FAT3: variants seen among roughly 807,000 people sequenced by gnomAD.
FAT3 encodes the protein protocadherin Fat 3.
In FAT3, 95 loss-of-function variants were observed where a neutral mutation model predicts 310.2. The observed-to-expected ratio is 0.31, with a 90% CI of 0.26 to 0.36. The LOEUF is 0.36. Among genes scored for constraint, FAT3 ranks in the 10% least tolerant of loss-of-function variants. FAT3 has a pLI of 1.00. For synonymous variants in FAT3, 2,314 were observed against 2,192.9 expected, an observed-to-expected ratio of 1.06 and a Z score of -1.54; for missense variants, 5,408 against 5,715.6, an observed-to-expected ratio of 0.95 and a Z score of 1.74.
intron 13 of FAT3, among the ~76,000 whole-genome samples, chr11:92,829,315 T>G (rs1948180215): frequency 6.6e-6 from 1 of 152,260 alleles, no homozygotes; most frequent in African/African-American, 2.4e-5. Context: ...CACTTCTTAT[T>G]GGCAAGAGCA....
At chr11:92,337,618 G>C (rs1303687158) in intron 1 of FAT3, among the ~76,000 whole-genome samples, 1 of 152,200 alleles carries the variant, frequency 6.6e-6, no homozygotes, top group African/African-American at 2.4e-5. Flanking sequence ...TTTTAGTAGA[G>C]ACAGGGTTTC....
At chr11:92,334,950 T>C (rs1948021842) in intron 1 of FAT3, among the ~76,000 whole-genome samples, 1 of 152,178 alleles carries the variant, frequency 6.6e-6, no homozygotes. Context: ...TGGAAATTCT[T>C]ATCCAGAAGG....
intron 3 of FAT3, among the ~76,000 whole-genome samples, chr11:92,635,255 C>T (rs1371575275): frequency 6.6e-6 from 1 of 151,998 alleles, no homozygotes; most frequent in Non-Finnish European, 1.5e-5. Context: ...CTTTTTATCA[C>T]TCTGACCTAC....
At chr11:92,291,220 G>A (rs952861543) in intron 1 of FAT3, among the ~76,000 whole-genome samples, 2 of 152,000 alleles carry the variant, frequency 1.3e-5, no homozygotes, top group African/African-American at 4.8e-5. Context: ...ATGTGTAGGC[G>A]GCAGAGTCAA....
intron 2 of FAT3, among the ~76,000 whole-genome samples, chr11:92,456,913 G>A (rs1294262097): frequency 6.6e-6 from 1 of 152,160 alleles, no homozygotes; most frequent in African/African-American, 2.4e-5. Context: ...GACCATGGAT[G>A]CCTGGGTAAA....
At chr11:92,293,012 CAAAGGAAGGAAG>C (rs1479352558) in intron 1 of FAT3, among the ~76,000 whole-genome samples, 5 of 114,748 alleles carry the variant, frequency 4.4e-5, no homozygotes, top group African/African-American at 1.7e-4. Flanking sequence ...CGAGACTCTG[CAAAGGAAGGAAG>C]GAAGGAAGGA....
In FAT3 at chr11:92,840,626, A is replaced by G. The variant is rs748568412; in HGVS notation, c.10433A>G (p.Asn3478Ser). Reference sequence around the variant, plus strand: ...GTGACAGACAGAGACTCCTTTCACAATGGGCCTCCCTTTTCATTCTCTATT... The same window carrying G: ...GTGACAGACAGAGACTCCTTTCACAGTGGGCCTCCCTTTTCATTCTCTATT... Reference protein sequence around the residue: ...LVVTDRDSFHNGPPFSFSILS... With the variant: ...LVVTDRDSFHSGPPFSFSILS... The change falls in exon 18 of 28, where the codon AAT becomes AGT. Residue 3478 changes from asparagine to serine, a missense_variant. Asn to Ser is a conservative substitution (Grantham distance 46, BLOSUM62 1). Around this residue, in one of 5 missense-constraint regions of FAT3, gnomAD observed 4,588 missense variants for 4,809.8 expected, o/e 0.95. Transcript: ENST00000525166. The G allele has an allele frequency of 3.7e-6, 6 of 1,612,190 alleles. No homozygotes were observed. The highest frequency in any genetic ancestry group is 4.5e-5 in the East Asian group (2 of 44,838).
At chr11:92,351,048 C>T (rs1948550685) in intron 1 of FAT3, among the ~76,000 whole-genome samples, 1 of 152,118 alleles carries the variant, frequency 6.6e-6, no homozygotes, top group East Asian at 1.9e-4. Context: ...ATCTTTTAAC[C>T]CACATAGTCA....
At chr11:92,706,577 A>G (rs1476162270) in intron 4 of FAT3, among the ~76,000 whole-genome samples, 1 of 152,160 alleles carries the variant, frequency 6.6e-6, no homozygotes, top group African/African-American at 2.4e-5. Flanking sequence ...TCTATATTAC[A>G]TGTTGACAAC....
intron 19 of FAT3, among the ~76,000 whole-genome samples, chr11:92,848,567 C>T (rs1159675354): frequency 6.6e-6 from 1 of 152,252 alleles, no homozygotes; most frequent in Admixed American, 6.5e-5. Flanking sequence ...AAAGGACACA[C>T]TTGTCCAGTT....
At chr11:92,686,325 A>G (rs1336953410) in intron 3 of FAT3, among the ~76,000 whole-genome samples, 1 of 152,218 alleles carries the variant, frequency 6.6e-6, no homozygotes, top group Non-Finnish European at 1.5e-5. Flanking sequence ...ACCTGCTTGG[A>G]CAGATTCTAA....
At chr11:92,389,396 T>A (rs1949699670) in intron 2 of FAT3, among the ~76,000 whole-genome samples, 1 of 152,216 alleles carries the variant, frequency 6.6e-6, no homozygotes. Context: ...TAAGTATTCA[T>A]AAACACCTTG....
chr11:92,643,210 A>G (rs1052170456), intron 3 of FAT3, among the ~76,000 whole-genome samples: 5 of 152,172 alleles, frequency 3.3e-5, no homozygotes, highest in Non-Finnish European at 5.9e-5. Context: ...ATTAATGCAG[A>G]TACTGTGGTC....
chr11:92,321,866 A>G (rs954688607), intron 1 of FAT3, among the ~76,000 whole-genome samples: 2 of 152,320 alleles, frequency 1.3e-5, no homozygotes, highest in East Asian at 1.9e-4. Context: ...GTAAACTCCT[A>G]TTTGAGTCTC....
intron 1 of FAT3, among the ~76,000 whole-genome samples, chr11:92,226,641 C>T (rs1863919279): frequency 6.6e-6 from 1 of 151,930 alleles, no homozygotes; most frequent in Non-Finnish European, 1.5e-5. Flanking sequence ...GGAGACCCTG[C>T]GAGGTCTCCG....
At position 92,426,293 on chromosome 11, in the gene FAT3, T is replaced by TCA. The variant is rs1591272674; in HGVS notation, c.3292+70889_3292+70890insCA. ...TTCTGGATATTAGCCCTTTGTCAGA[T>TCA]GGATAGATTGCAAAAATGTTCTCCA... On this transcript the variant is annotated intron_variant, in intron 2 of 27. Transcript: ENST00000525166. 6.6e-5 allele frequency among the ~76,000 whole-genome samples: 10 copies of TCA among 152,312 alleles called. No individual in the cohort carries two copies. In the East Asian group the frequency reaches 1.7e-3, roughly 26 times the overall value.
Position 92,891,121 on chromosome 11 carries a change from A to G in FAT3, c.*8A>G. 1.2e-6 allele frequency: 2 copies of G among 1,611,622 alleles called. No homozygotes were observed. The highest frequency in any genetic ancestry group is 1.7e-6 in the Non-Finnish European group (2 of 1,178,660). ...CATCAGACTCAAGTGTAGACATCAC[A>G]TCTTGGGTACTTCACCCTGTTTGTT... On this transcript the variant is annotated 3_prime_UTR_variant, in exon 28 of 28. Coordinates refer to ENST00000525166, the MANE Select transcript of FAT3 (RefSeq NM_001367949.2).
At chr11:92,507,057 C>G (rs1041173916) in intron 2 of FAT3, among the ~76,000 whole-genome samples, 3 of 152,170 alleles carry the variant, frequency 2.0e-5, no homozygotes, top group African/African-American at 7.2e-5. Flanking sequence ...GAGAATTCTT[C>G]TGTTTTCTTG....
At chr11:92,816,247 A>C (rs1309746688) in intron 13 of FAT3, among the ~76,000 whole-genome samples, 1 of 152,240 alleles carries the variant, frequency 6.6e-6, no homozygotes, top group Non-Finnish European at 1.5e-5. Flanking sequence ...TGAGTGGCTT[A>C]GCAAAGCAAA....
Sources: allele counts gnomAD v4.1 joint callset (sites outside exome capture counted in the v4.1 genomes callset), GRCh38; gene constraint gnomAD v4.1.1; regional missense constraint gnomAD v4.1.1; transcripts MANE v1.5; gene names NCBI Gene and HGNC (gene_info 2026-07-23, HGNC 2026-07-21).